The following GRM4 variants were observed in gnomAD, a reference collection of about 807,000 sequenced individuals.
GRM4 encodes the protein glutamate metabotropic receptor 4.
A neutral mutation model predicts 81.7 loss-of-function variants in GRM4; 28 were observed. That is an observed-to-expected ratio of 0.34 (90% confidence interval 0.25 to 0.47). The LOEUF is 0.47. Among genes scored for constraint, GRM4 ranks in the 20% least tolerant of loss-of-function variants. The pLI, the probability that GRM4 is intolerant of heterozygous loss-of-function variation, is 1.00. For missense variants in GRM4, 948 were observed against 1,290.0 expected, an observed-to-expected ratio of 0.73 and a Z score of 4.06; for synonymous variants, 488 against 528.8, an observed-to-expected ratio of 0.92 and a Z score of 1.06.
chr6:34,022,800 C>T lies in GRM4; in HGVS notation c.*21G>A. 6 of 1,609,002 alleles carry T rather than the reference C, an allele frequency of 3.7e-6. No individual in the cohort carries two copies. Among genetic ancestry groups the T allele is most frequent in the Non-Finnish European group, 5.1e-6 (6 of 1,175,402 alleles). On this transcript the variant is annotated 3_prime_UTR_variant, in exon 11 of 11. Coordinates refer to ENST00000538487, the MANE Select transcript of GRM4 (RefSeq NM_000841.4). The surrounding 1 kb of genome is among the most constrained non-coding windows in gnomAD (Gnocchi z 5.6). ...CACAGGGTCACGGCTCCTCCTCCTG[C>T]TGCTCAGCTCCATGGACTCGCTAGA...
At chr6:34,024,015 C>T (rs761790586) in intron 10 of GRM4, among the ~76,000 whole-genome samples, 1 of 152,154 alleles carries the variant, frequency 6.6e-6, no homozygotes, top group Non-Finnish European at 1.5e-5. Flanking sequence ...TAAAAGCTGC[C>T]CTGACCCTCG....
intron 10 of GRM4, among the ~76,000 whole-genome samples, chr6:34,026,955 G>T (rs1032148350): frequency 6.6e-6 from 1 of 152,218 alleles, no homozygotes; most frequent in Non-Finnish European, 1.5e-5. Context: ...CTGGAACAGG[G>T]AGAGGGTCCC....
At chr6:34,134,284 G>T (rs2499730) in intron 1 of GRM4, among the ~76,000 whole-genome samples, 65,678 of 152,012 alleles carry the variant, frequency 0.43, 16,279 homozygotes, top group Non-Finnish European at 0.55. Flanking sequence ...GAGTCACGCA[G>T]GGAGTGTGCA....
rs570041619 is a variant in GRM4, at chr6:34,022,705, C to T, written c.*116G>A. ...CTCTGCTATCCTCAGCACCAAGCCA[C>T]GTCCGTGGGTGCCCACGGGCAGGCA... is the stretch of plus-strand genomic sequence containing the variant. On this transcript the variant is annotated 3_prime_UTR_variant, in exon 11 of 11. Transcript: ENST00000538487. The surrounding 1 kb of genome is among the most constrained non-coding windows in gnomAD (Gnocchi z 5.6). 102 of 899,244 alleles carry T rather than the reference C, an allele frequency of 1.1e-4. 1 individual carries two copies. The African/African-American group carries it at 1.4e-3, about 12-fold the overall frequency. 55.7% of individuals were successfully genotyped at this position (899,244 alleles called of 1,614,324 possible). A position where few individuals can be genotyped will look rare whatever the true frequency, so the allele number is the denominator to read the frequency against.
chr6:34,091,615 G>A, intron 3 of GRM4: 1 of 500,342 alleles, frequency 2.0e-6, no homozygotes. Flanking sequence ...CCGCCCCGCA[G>A]GCTCCTGCAC....
chr6:34,137,450 C>T (rs982270131), intron 1 of GRM4, among the ~76,000 whole-genome samples: 2 of 152,238 alleles, frequency 1.3e-5, no homozygotes, highest in Admixed American at 1.3e-4. Context: ...CTGCAGACTA[C>T]CCCTTTCCCC....
intron 3 of GRM4, among the ~76,000 whole-genome samples, chr6:34,091,059 G>A (rs1768180831): frequency 6.6e-6 from 1 of 152,148 alleles, no homozygotes; most frequent in African/African-American, 2.4e-5. Flanking sequence ...CAGCCCAGGT[G>A]GAGGCCCCCA....
At chr6:34,082,746 C>T (rs1373182933) in intron 3 of GRM4, among the ~76,000 whole-genome samples, 1 of 152,250 alleles carries the variant, frequency 6.6e-6, no homozygotes, top group Non-Finnish European at 1.5e-5. Flanking sequence ...ACGCACTTAA[C>T]CTCACAACAA....
intron 3 of GRM4, among the ~76,000 whole-genome samples, chr6:34,081,970 G>A (rs1210647899): frequency 1.3e-5 from 2 of 152,230 alleles, no homozygotes; most frequent in Non-Finnish European, 2.9e-5. Flanking sequence ...CAGGGCCGCA[G>A]GCTTCACCAC....
In GRM4 at chr6:34,130,292, C is replaced by T. The variant is rs779083745; in HGVS notation, c.519+2686G>A. 1.3e-5 allele frequency among the ~76,000 whole-genome samples: 2 copies of T among 152,218 alleles called. No individual in the cohort carries two copies. The highest frequency in any genetic ancestry group is 2.9e-5 in the Non-Finnish European group (2 of 68,044). ...GGCCACAGCCGGCTGGTTTTCTCCCCGCTGTCCCTCCCTTTCCTTGCTGTC... is the reference window on the plus strand; with the variant it reads ...GGCCACAGCCGGCTGGTTTTCTCCCTGCTGTCCCTCCCTTTCCTTGCTGTC... On this transcript the variant is annotated intron_variant, in intron 2 of 10. Coordinates refer to ENST00000538487, the MANE Select transcript of GRM4 (RefSeq NM_000841.4). This position sits in a 1 kb window ranked among gnomAD's most constrained non-coding sequence, Gnocchi z 4.1.
chr6:34,070,795 CACACACACA>C lies in GRM4; in HGVS notation c.737-8776_737-8768del, dbSNP rs1766784388. ...CACACCCCCGCCACACCCCCAGCCA[CACACACACA>C]CACACACACACACACGGCAATGCAC... On this transcript the variant is annotated intron_variant, in intron 3 of 10. Transcript: ENST00000538487. The surrounding 1 kb of genome is among the most constrained non-coding windows in gnomAD (Gnocchi z 4.6). 3.6e-5 allele frequency among the ~76,000 whole-genome samples: 1 copy of C among 27,962 alleles called. No individual in the cohort carries two copies. The highest frequency in any genetic ancestry group is 3.5e-4 in the African/African-American group (1 of 2,840). The allele number at this position is 27,962 out of a possible 152,430, so 18.3% of individuals were successfully genotyped here.
chr6:34,071,524 TCAC>T (rs1294110897), intron 3 of GRM4, among the ~76,000 whole-genome samples: 1 of 24,140 alleles, frequency 4.1e-5, no homozygotes, highest in East Asian at 1.5e-3. Flanking sequence ...TACCCACACA[TCAC>T]CACACGGATA....
At chr6:34,027,392 G>A (rs1328869147) in intron 10 of GRM4, among the ~76,000 whole-genome samples, 1 of 152,126 alleles carries the variant, frequency 6.6e-6, no homozygotes, top group Non-Finnish European at 1.5e-5. Context: ...CTCAGCTGCC[G>A]AGGTCCCTGC....
chr6:34,128,918 C>A (rs1482574652), intron 2 of GRM4, among the ~76,000 whole-genome samples: 1 of 152,170 alleles, frequency 6.6e-6, no homozygotes, highest in Non-Finnish European at 1.5e-5. Flanking sequence ...ATTTCTGGAT[C>A]CCCCTGAGCT....
intron 5 of GRM4, among the ~76,000 whole-genome samples, chr6:34,056,950 G>C (rs564555203): frequency 6.6e-6 from 1 of 152,304 alleles, no homozygotes; most frequent in South Asian, 2.1e-4. Context: ...ATGTTTCCAC[G>C]GCCTTTAACC....
At position 34,036,625 on chromosome 6, in the gene GRM4, A is replaced by T. The variant is rs760506184; in HGVS notation, c.1507-22T>A. On this transcript the variant is annotated intron_variant, in intron 8 of 10. Coordinates refer to ENST00000538487, the MANE Select transcript of GRM4 (RefSeq NM_000841.4). This position sits in a 1 kb window ranked among gnomAD's most constrained non-coding sequence, Gnocchi z 9.0. ...CTATCTGGCAATGACAGCACCGTAA[A>T]GCAGGCCTCAGAACATGCCACCCGG... 7.2e-7 allele frequency: 1 copy of T among 1,393,466 alleles called. No individual in the cohort carries two copies. The highest frequency in any genetic ancestry group is 9.9e-7 in the Non-Finnish European group (1 of 1,011,232). The allele number at this position is 1,393,466 out of a possible 1,614,324, so 86.3% of individuals were successfully genotyped here. A position where few individuals can be genotyped will look rare whatever the true frequency, so the allele number is the denominator to read the frequency against.
chr6:34,082,115 T>C (rs1581670034), intron 3 of GRM4, among the ~76,000 whole-genome samples: 1 of 95,136 alleles, frequency 1.1e-5, no homozygotes, highest in East Asian at 3.5e-4. Context: ...CCCTGTCCAG[T>C]GGGAGCCTGC....
At chr6:34,122,417 G>A (rs1338294345) in intron 2 of GRM4, among the ~76,000 whole-genome samples, 2 of 152,074 alleles carry the variant, frequency 1.3e-5, no homozygotes, top group African/African-American at 2.4e-5. Context: ...CTCTCCACAC[G>A]GAACCAAGCA....
intron 3 of GRM4, among the ~76,000 whole-genome samples, chr6:34,072,256 GCACA>G (rs1054588182): frequency 2.9e-5 from 1 of 34,132 alleles, no homozygotes; most frequent in African/African-American, 1.0e-4. Context: ...CAGATACACA[GCACA>G]CACAGACACA....
Sources: gnomAD v4.1 joint callset for allele counts (sites outside exome capture counted in the v4.1 genomes callset) on GRCh38, gnomAD v4.1.1 for gene constraint, Gnocchi (gnomAD v3.1) non-coding constraint, MANE v1.5 for transcripts, NCBI Gene and HGNC (gene_info 2026-07-23, HGNC 2026-07-21) for gene names.